Variants in LNPK observed in about 807,000 individuals in gnomAD.
The protein encoded by LNPK is lunapark, ER junction formation factor.
LNPK carries 29 observed loss-of-function variants against 55.2 expected under a neutral mutation model. The observed-to-expected ratio is 0.53, with a 90% CI of 0.39 to 0.72. The LOEUF is 0.72. Ranked by LOEUF, LNPK falls within the 30% of genes least tolerant of loss-of-function variation. LNPK has a pLI of 0.00. For synonymous variants in LNPK, 162 were observed against 168.2 expected (o/e 0.96, Z 0.29); for missense variants, 467 against 494.8 (o/e 0.94, Z 0.53).
At chr2:175,980,382 A>T (rs1311475060) in intron 4 of LNPK, among the ~76,000 whole-genome samples, 1 of 152,226 alleles carries the variant, frequency 6.6e-6, no homozygotes, top group African/African-American at 2.4e-5. Flanking sequence ...AGGAAAAATA[A>T]ACAAAAACCT....
At position 175,957,760 on chromosome 2, in the gene LNPK, C is replaced by G. The variant is rs544196245; in HGVS notation, c.493+6612G>C. On this transcript the variant is annotated intron_variant, in intron 8 of 12. Transcript: ENST00000272748. ...GAGCTGAAGCAGGGCGGGGCATTGCCTCACCTGGGAAGTGCAAGGAGTCAG... is the reference window on the plus strand; with the variant it reads ...GAGCTGAAGCAGGGCGGGGCATTGCGTCACCTGGGAAGTGCAAGGAGTCAG... Among the ~76,000 whole-genome samples, 3 of 152,298 alleles carry G rather than the reference C, an allele frequency of 2.0e-5. No homozygotes were observed. The East Asian group carries it at 5.8e-4, about 30-fold the overall frequency.
intron 4 of LNPK, among the ~76,000 whole-genome samples, chr2:175,985,239 A>C (rs1371622241): frequency 6.6e-6 from 1 of 152,198 alleles, no homozygotes; most frequent in Non-Finnish European, 1.5e-5. Context: ...GGAGTAGCAA[A>C]AAGGAGCCTT....
chr2:175,989,669 G>A (rs1687599326), intron 4 of LNPK, among the ~76,000 whole-genome samples: 1 of 151,974 alleles, frequency 6.6e-6, no homozygotes, highest in Admixed American at 6.6e-5. Context: ...CCTCACTACG[G>A]TGTGTAGCCT....
chr2:175,983,674 T>C (rs141435211), intron 4 of LNPK, among the ~76,000 whole-genome samples: 101 of 151,922 alleles, frequency 6.6e-4, no homozygotes, highest in African/African-American at 2.4e-3. Context: ...TCTTTTAAGG[T>C]TGAAAATAAA....
chr2:175,974,478 A>G (rs1686797853), intron 5 of LNPK, among the ~76,000 whole-genome samples: 1 of 152,208 alleles, frequency 6.6e-6, no homozygotes, highest in Non-Finnish European at 1.5e-5. Context: ...CAATTCTGCT[A>G]TTGTAGGATG....
At chr2:175,964,617 C>T in intron 6 of LNPK, 28 bp from the exon 7 acceptor site, 1 of 1,284,044 alleles carries the variant, frequency 7.8e-7, no homozygotes, top group Non-Finnish European at 1.1e-6. Context: ...CATAAATTGT[C>T]ACACTTCAAA....
chr2:175,939,568 C>T lies in LNPK; in HGVS notation c.796G>A (p.Asp266Asn). Residue 266 changes from aspartate to asparagine, a missense_variant, in exon 10 of 13, where the codon GAT becomes AAT. Physicochemically the swap from Asp to Asn is conservative, Grantham distance 23. Transcript: ENST00000272748. ...LDRIVEYLVG[D>N]GPQNRYALIC... ...AAATATTACCTGTTTTGTGGACCAT[C>T]ACCAACCAAATATTCAACAATTCTA... 2 of 1,587,854 alleles carry T rather than the reference C, an allele frequency of 1.3e-6. No homozygotes were observed. Among genetic ancestry groups the T allele is most frequent in the East Asian group, 4.5e-5 (2 of 44,616 alleles).
chr2:175,925,366 C>A lies in LNPK; in HGVS notation c.*4601G>T, dbSNP rs918230140. ...ATTAAACAGCTATTTTTATTTAGTG[C>A]CCCCAATGTCTATGTGAGTGGGAGC... On this transcript the variant is annotated 3_prime_UTR_variant, in exon 13 of 13. Transcript: ENST00000272748. 3.3e-5 allele frequency: 5 copies of A among 152,098 alleles called. No individual in the cohort carries two copies. The highest frequency in any genetic ancestry group is 1.2e-4 in the African/African-American group (5 of 41,426). 9.4% of individuals were successfully genotyped at this position (152,098 alleles called of 1,614,324 possible). A position where few individuals can be genotyped will look rare whatever the true frequency, so the allele number is the denominator to read the frequency against.
chr2:175,988,215 C>T (rs1196307030), intron 4 of LNPK, among the ~76,000 whole-genome samples: 5 of 151,924 alleles, frequency 3.3e-5, no homozygotes, highest in Admixed American at 1.3e-4. Context: ...ATAAATCTAA[C>T]GATGAGCTGG....
At chr2:175,934,709 G>A (rs926416844) in intron 12 of LNPK, among the ~76,000 whole-genome samples, 7 of 150,598 alleles carry the variant, frequency 4.6e-5, no homozygotes, top group African/African-American at 1.2e-4. Context: ...CAAGTATTAC[G>A]GTACTATCTA....
chr2:175,975,267 C>T (rs539747021), intron 5 of LNPK, among the ~76,000 whole-genome samples: 3 of 152,280 alleles, frequency 2.0e-5, no homozygotes, highest in African/African-American at 7.2e-5. Context: ...GCTATTCCCA[C>T]TTCAAGTGAA....
intron 5 of LNPK, among the ~76,000 whole-genome samples, chr2:175,979,454 G>C (rs1423672043): frequency 6.6e-6 from 1 of 151,934 alleles, no homozygotes; most frequent in African/African-American, 2.4e-5. Flanking sequence ...AGCTACTCTG[G>C]AGGCTGAGGC....
intron 5 of LNPK, among the ~76,000 whole-genome samples, chr2:175,978,199 T>TAATAA (rs1369981180): frequency 6.6e-6 from 1 of 152,092 alleles, no homozygotes; most frequent in African/African-American, 2.4e-5. Context: ...AATTTAAAAT[T>TAATAA]AATAAAATAT....
intron 8 of LNPK, among the ~76,000 whole-genome samples, chr2:175,962,183 C>T (rs1048804428): frequency 2.6e-5 from 4 of 152,154 alleles, no homozygotes; most frequent in Non-Finnish European, 4.4e-5. Context: ...TGACTTTCTT[C>T]GCAGAATTGG....
intron 12 of LNPK, 142 bp from the exon 13 acceptor site, chr2:175,930,341 CATT>C (rs1684218188): frequency 1.5e-6 from 1 of 659,154 alleles, no homozygotes; most frequent in East Asian, 2.7e-5. Flanking sequence ...AATTGTCTAA[CATT>C]ATCCTTAAAA....
rs193284755 is a variant in LNPK, at chr2:175,960,560, G to A, written c.493+3812C>T. On this transcript the variant is annotated intron_variant, in intron 8 of 12. Transcript: ENST00000272748. ...GAATCTCTGGGACACATTTAAAGCAGCGTGTAGAGGGAAATTTATAGCACT... is the reference window on the plus strand; with the variant it reads ...GAATCTCTGGGACACATTTAAAGCAACGTGTAGAGGGAAATTTATAGCACT... Among the ~76,000 whole-genome samples the A allele has an allele frequency of 2.4e-4, 36 of 152,318 alleles. 1 individual carries two copies. In the East Asian group the frequency reaches 5.6e-3, roughly 24 times the overall value.
At chr2:175,993,092 C>A (rs1687775710) in intron 3 of LNPK, 90 bp downstream of exon 3, 1 of 747,970 alleles carries the variant, frequency 1.3e-6, no homozygotes, top group Non-Finnish European at 2.1e-6. Flanking sequence ...AATTCCCATA[C>A]CAGATTTGGT....
chr2:175,960,080 C>A (rs1435144717), intron 8 of LNPK, among the ~76,000 whole-genome samples: 1 of 152,120 alleles, frequency 6.6e-6, no homozygotes, highest in East Asian at 1.9e-4. Context: ...TAGCAACCTA[C>A]AAAGAGACTT....
At chr2:175,992,491 A>G (rs898408685) in intron 3 of LNPK, 73 bp from the exon 4 acceptor site, 46 of 910,944 alleles carry the variant, frequency 5.0e-5, no homozygotes, top group South Asian at 1.4e-4. Context: ...AAAAAATTTT[A>G]GCAGGAAAGA....
Sources: gnomAD v4.1 joint callset for allele counts (sites outside exome capture counted in the v4.1 genomes callset) on GRCh38, gnomAD v4.1.1 for gene constraint, MANE v1.5 for transcripts, NCBI Gene and HGNC (gene_info 2026-07-23, HGNC 2026-07-21) for gene names.